ALPK2: variants seen among roughly 807,000 people sequenced by gnomAD.
ALPK2 encodes alpha kinase 2.
Under a neutral mutation model 163.1 loss-of-function variants are expected in ALPK2, and 127 were observed. The ratio of observed to expected loss-of-function variants is 0.78; its 90% confidence interval spans 0.67 to 0.90. The LOEUF (loss-of-function observed/expected upper bound fraction) is 0.90. Ranked by LOEUF, ALPK2 falls within the 40% of genes least tolerant of loss-of-function variation. The pLI, the probability that ALPK2 is intolerant of heterozygous loss-of-function variation, is 0.00. For synonymous variants in ALPK2, 953 were observed against 959.1 expected (o/e 0.99, Z 0.12); for missense variants, 2,360 against 2,589.6 (o/e 0.91, Z 1.92).
At chr18:58,496,910 T>C (rs1323650416) in intron 12 of ALPK2, among the ~76,000 whole-genome samples, 1 of 152,228 alleles carries the variant, frequency 6.6e-6, no homozygotes, top group Admixed American at 6.5e-5. Flanking sequence ...CTGGGGCCAC[T>C]GTCCACCTGC....
intron 3 of ALPK2, among the ~76,000 whole-genome samples, chr18:58,592,706 C>T (rs2052020458): frequency 6.6e-6 from 1 of 152,122 alleles, no homozygotes; most frequent in African/African-American, 2.4e-5. Flanking sequence ...CACCCGAGGA[C>T]AATTCGAAGC....
At chr18:58,517,252 G>A in intron 8 of ALPK2, 70 bp from the exon 9 acceptor site, 3 of 1,522,910 alleles carry the variant, frequency 2.0e-6, no homozygotes, top group Non-Finnish European at 2.7e-6. Context: ...CTCCACATGG[G>A]GAGGGTCCCC....
rs774041055 is a variant in ALPK2 at position 58,536,623 on chromosome 18, A to C, written c.3564T>G (p.Gly1188=). ...CCACCACGGAGACCCTCGTCCCCCA[A>C]CCTGAGCGCTGCCCTGCTCCTTCCC... is the stretch of plus-strand genomic sequence containing the variant. ...SSREGAGQRS[G]WGTRVSVVAE... is the part of the protein sequence containing the mutation. The change falls in exon 5 of 13, where the codon GGT becomes GGG. Residue 1188 remains glycine, a synonymous_variant. Coordinates refer to ENST00000361673, the MANE Select transcript of ALPK2 (RefSeq NM_052947.4). 1.1e-4 allele frequency: 184 copies of C among 1,613,914 alleles called. No homozygotes were observed. Among genetic ancestry groups the C allele is most frequent in the Non-Finnish European group, 1.4e-4 (170 of 1,180,008 alleles).
intron 4 of ALPK2, among the ~76,000 whole-genome samples, chr18:58,565,778 TCTTTCTTTCTTC>T (rs1483142199): frequency 1.3e-5 from 2 of 148,810 alleles, no homozygotes; most frequent in Admixed American, 6.6e-5. Flanking sequence ...TTCCTTTCTT[TCTTTCTTTCTTC>T]CTTTCTTCCT....
chr18:58,565,762 CCTTCCTTCCTTTCTTT>C (rs1378902840), intron 4 of ALPK2, among the ~76,000 whole-genome samples: 2 of 143,220 alleles, frequency 1.4e-5, no homozygotes, highest in Non-Finnish European at 1.5e-5. Context: ...TTCCTTCCTT[CCTTCCTTCCTTTCTTT>C]CTTTCTTTCT....
In ALPK2 at chr18:58,489,854, T is replaced by G. The variant is rs531758131; in HGVS notation, c.6297-7815A>C. Among the ~76,000 whole-genome samples, 19 of 152,164 alleles carry G rather than the reference T, an allele frequency of 1.2e-4. No individual in the cohort carries two copies. The East Asian group carries it at 3.5e-3, about 28-fold the overall frequency. ...TTTGGGAGCTGTAATCCCAGCACTT[T>G]GGGAGGCCGAGGCTGGTGGATCATG... On this transcript the variant is annotated intron_variant, in intron 12 of 12. Transcript: ENST00000361673.
At chr18:58,593,489 G>T (rs2052025007) in intron 3 of ALPK2, among the ~76,000 whole-genome samples, 1 of 149,602 alleles carries the variant, frequency 6.7e-6, no homozygotes, top group South Asian at 2.1e-4. Flanking sequence ...GCTTGAACCT[G>T]GGAGGTGGAG....
rs932336855 is a variant in ALPK2 at position 58,553,563 on chromosome 18, G to T, written c.1963-15339C>A. 4.6e-5 allele frequency among the ~76,000 whole-genome samples: 7 copies of T among 152,222 alleles called. No homozygotes were observed. In the South Asian group the frequency reaches 1.0e-3, roughly 23 times the overall value. On this transcript the variant is annotated intron_variant, in intron 4 of 12. Transcript: ENST00000361673. Reference sequence around the variant, plus strand: ...AATCCCTATAATCCCCACGCATCAAGGGAGAGACCAGGTGGAGGTAATTGA... The same window carrying T: ...AATCCCTATAATCCCCACGCATCAATGGAGAGACCAGGTGGAGGTAATTGA...
Position 58,579,758 on chromosome 18 carries a change from A to G in ALPK2, c.1018T>C (p.Ser340Pro), listed in dbSNP as rs1351342039. 5 of 1,614,228 alleles carry G rather than the reference A, an allele frequency of 3.1e-6. No homozygotes were observed. The highest frequency in any genetic ancestry group is 4.2e-6 in the Non-Finnish European group (5 of 1,180,038). The change falls in exon 4 of 13, where the codon TCT becomes CCT. Residue 340 changes from serine (S) to proline (P), a missense_variant. Ser to Pro is a moderately conservative substitution (Grantham distance 74). Transcript: ENST00000361673. ...LECSDVMTDYSNAVWQRNLLG... is the reference protein window; with the variant it reads ...LECSDVMTDYPNAVWQRNLLG... ...AGGTTCCTTTGCCAAACTGCATTAG[A>G]GTAATCCGTCATAACATCAGAACAT... is the stretch of plus-strand genomic sequence containing the variant.
At chr18:58,522,824 A>T (rs2051562365) in intron 8 of ALPK2, among the ~76,000 whole-genome samples, 1 of 152,096 alleles carries the variant, frequency 6.6e-6, no homozygotes, top group Non-Finnish European at 1.5e-5. Context: ...CCAATTCTGG[A>T]TATCTGTAGT....
chr18:58,576,837 C>A (rs2051924350), intron 4 of ALPK2, among the ~76,000 whole-genome samples: 1 of 152,244 alleles, frequency 6.6e-6, no homozygotes, highest in Non-Finnish European at 1.5e-5. Flanking sequence ...TGTACAGCTT[C>A]CATTCACATT....
intron 4 of ALPK2, chr18:58,544,733 C>CTTCTTTTTTTTTTTTTTTTTTTT (rs1245467797): frequency 2.0e-5 from 3 of 152,210 alleles, no homozygotes; most frequent in Non-Finnish European, 4.4e-5. Context: ...TTCTAAGATA[C>CTTCTTTTTTTTTTTTTTTTTTTT]TTCTTGAACA....
At position 58,536,710 on chromosome 18, in the gene ALPK2, C is replaced by T. The variant is rs766930523; in HGVS notation, c.3477G>A (p.Thr1159=). The change falls in exon 5 of 13, where the codon ACG becomes ACA. Residue 1159 remains threonine (T), a synonymous_variant. Transcript: ENST00000361673. ...TTCTTTCCTCTTGTGCAGCAGATGTCGTAGGCAAACTTTGTTGGAAATCAG... is the reference window on the plus strand; with the variant it reads ...TTCTTTCCTCTTGTGCAGCAGATGTTGTAGGCAAACTTTGTTGGAAATCAG... ...SAPDFQQSLP[T]TSAAQEERNL... 1.4e-5 allele frequency: 23 copies of T among 1,614,024 alleles called. No homozygotes were observed. Among genetic ancestry groups the T allele is most frequent in the South Asian group, 7.7e-5 (7 of 91,080 alleles).
intron 6 of ALPK2, among the ~76,000 whole-genome samples, chr18:58,525,970 A>AAC (rs1162355618): frequency 1.3e-5 from 2 of 148,202 alleles, no homozygotes; most frequent in Non-Finnish European, 3.0e-5. Context: ...TGAAAAAGAA[A>AAC]AAAAAAAAAA....
chr18:58,612,240 G>A (rs980225751), intron 1 of ALPK2, among the ~76,000 whole-genome samples: 3 of 152,176 alleles, frequency 2.0e-5, no homozygotes, highest in Non-Finnish European at 2.9e-5. Flanking sequence ...TATGGTTAGT[G>A]CCACCTCCTC....
At chr18:58,491,506 C>T (rs1490088113) in intron 12 of ALPK2, among the ~76,000 whole-genome samples, 2 of 152,208 alleles carry the variant, frequency 1.3e-5, no homozygotes, top group African/African-American at 4.8e-5. Flanking sequence ...GATGGATCAA[C>T]TGGCGCCTCC....
chr18:58,504,260 TC>T, intron 10 of ALPK2, 112 bp from the exon 11 acceptor site: 1 of 851,510 alleles, frequency 1.2e-6, no homozygotes, highest in Non-Finnish European at 1.8e-6. Flanking sequence ...TGTCCCCAAT[TC>T]TGCTAGGTTT....
chr18:58,545,699 C>T (rs188259827), intron 4 of ALPK2, among the ~76,000 whole-genome samples: 28 of 106,258 alleles, frequency 2.6e-4, no homozygotes, highest in African/African-American at 7.2e-4. Context: ...CATTCTCCAA[C>T]TTCTTTTTTT....
rs1012246933 is a variant in ALPK2 at position 58,621,160 on chromosome 18, A to C, written c.-21+7604T>G. On this transcript the variant is annotated intron_variant, in intron 1 of 12. Coordinates refer to ENST00000361673, the MANE Select transcript of ALPK2 (RefSeq NM_052947.4). ...AGAGCAAGGCCCTGTCTCAAAACAA[A>C]AAAAAAAAAATGAGACTCTGATAAT... Among the ~76,000 whole-genome samples, 5 of 151,616 alleles carry C rather than the reference A, an allele frequency of 3.3e-5. No individual in the cohort carries two copies. The South Asian group carries it at 6.2e-4, about 19-fold the overall frequency.
Sources: gnomAD v4.1 joint callset for allele counts (sites outside exome capture counted in the v4.1 genomes callset) on GRCh38, gnomAD v4.1.1 for gene constraint, MANE v1.5 for transcripts, NCBI Gene and HGNC (gene_info 2026-07-23, HGNC 2026-07-21) for gene names.